The following AFF3 variants were observed in gnomAD, a reference collection of about 807,000 sequenced individuals.
The protein encoded by AFF3 is ALF transcription elongation factor 3, also known as AF4/FMR2 family member 3.
Under a neutral mutation model 129.7 loss-of-function variants are expected in AFF3, and 32 were observed. That is an observed-to-expected ratio of 0.25 (90% CI 0.19 to 0.33). The LOEUF (loss-of-function observed/expected upper bound fraction) is 0.33, where lower values mean the gene tolerates loss of function less well. Ranked by LOEUF, AFF3 falls within the 10% of genes least tolerant of loss-of-function variation. The probability of loss-of-function intolerance (pLI) is 1.00; values close to 1 mark genes in which losing one functional copy is unlikely to be tolerated. For synonymous variants in AFF3, 644 were observed against 635.4 expected (o/e 1.01, Z -0.20); for missense variants, 1,373 against 1,592.0 (o/e 0.86, Z 2.34).
chr2:100,048,616 A>G (rs1686031592), intron 4 of AFF3, among the ~76,000 whole-genome samples: 1 of 152,220 alleles, frequency 6.6e-6, no homozygotes, highest in Admixed American at 6.5e-5. Context: ...TCCTTGGGTG[A>G]TATTTCTACA....
intron 7 of AFF3, among the ~76,000 whole-genome samples, chr2:99,914,725 C>T (rs1290042867): frequency 7.9e-5 from 12 of 151,540 alleles, no homozygotes; most frequent in Admixed American, 7.9e-4. Flanking sequence ...ACCAGCCTGG[C>T]CAAAATGATG....
At chr2:100,002,930 C>A (rs1681564604) in intron 7 of AFF3, among the ~76,000 whole-genome samples, 1 of 152,190 alleles carries the variant, frequency 6.6e-6, no homozygotes, top group Non-Finnish European at 1.5e-5. Flanking sequence ...CCCCCATCAC[C>A]TAACATATAC....
chr2:100,058,395 T>A (rs1020429796), intron 4 of AFF3, among the ~76,000 whole-genome samples: 1 of 151,932 alleles, frequency 6.6e-6, no homozygotes, highest in South Asian at 2.1e-4. Context: ...TAAAAGGACA[T>A]CATGAAAAAA....
intron 20 of AFF3, among the ~76,000 whole-genome samples, chr2:99,560,752 C>T (rs1036600919): frequency 6.6e-6 from 1 of 152,210 alleles, no homozygotes; most frequent in Non-Finnish European, 1.5e-5. Flanking sequence ...CATTTTTCCA[C>T]ATTTTGATTT....
At chr2:100,025,448 C>T (rs562625977) in intron 4 of AFF3, among the ~76,000 whole-genome samples, 137 of 152,274 alleles carry the variant, frequency 9.0e-4, no homozygotes, top group Non-Finnish European at 1.6e-3. Context: ...TGGGTAGCAT[C>T]AATATTGTTA....
chr2:99,858,348 C>G (rs60349850), intron 7 of AFF3, among the ~76,000 whole-genome samples: 16,554 of 149,750 alleles, frequency 0.11, 1,102 homozygotes, highest in Admixed American at 0.21. Context: ...GAGTTGGAGA[C>G]CAGCCTGAGC....
At chr2:99,811,671 AATTC>A (rs1247753450) in intron 8 of AFF3, among the ~76,000 whole-genome samples, 3 of 152,324 alleles carry the variant, frequency 2.0e-5, no homozygotes, top group African/African-American at 7.2e-5. Flanking sequence ...TCCCTCCATT[AATTC>A]AGTCTTATCC....
chr2:99,998,357 T>C (rs1681048231), intron 7 of AFF3, among the ~76,000 whole-genome samples: 1 of 149,688 alleles, frequency 6.7e-6, no homozygotes, highest in Non-Finnish European at 1.5e-5. Context: ...TGCTGGGGGG[T>C]TTCAACATGA....
chr2:99,898,865 G>A (rs573521575), intron 7 of AFF3, among the ~76,000 whole-genome samples: 2 of 152,276 alleles, frequency 1.3e-5, no homozygotes, highest in African/African-American at 2.4e-5. Context: ...TTTGGCCAAC[G>A]CTGACTCCCA....
intron 4 of AFF3, among the ~76,000 whole-genome samples, chr2:100,057,320 CA>C (rs57672976): frequency 8.0e-3 from 439 of 55,068 alleles, no homozygotes; most frequent in African/African-American, 0.025. Flanking sequence ...GACTCTGTCT[CA>C]AAAAAAAAAA....
chr2:99,947,572 AG>A (rs1675712791), intron 7 of AFF3, among the ~76,000 whole-genome samples: 1 of 150,388 alleles, frequency 6.6e-6, no homozygotes, highest in African/African-American at 2.5e-5. Context: ...AGAGAAAGAA[AG>A]AAAAGAAAAG....
intron 4 of AFF3, among the ~76,000 whole-genome samples, chr2:100,018,797 C>T (rs1426510548): frequency 1.3e-5 from 2 of 152,068 alleles, no homozygotes; most frequent in Non-Finnish European, 2.9e-5. Flanking sequence ...TTTCAAAGAG[C>T]TCCCTTCCCG....
At chr2:99,699,200 G>A (rs762221337) in intron 11 of AFF3, among the ~76,000 whole-genome samples, 34 of 152,152 alleles carry the variant, frequency 2.2e-4, no homozygotes, top group Non-Finnish European at 3.1e-4. Context: ...TCCTATGAAT[G>A]CAAAGAAACC....
intron 7 of AFF3, among the ~76,000 whole-genome samples, chr2:99,932,780 A>C (rs1674149108): frequency 6.6e-6 from 1 of 152,226 alleles, no homozygotes; most frequent in South Asian, 2.1e-4. Flanking sequence ...ATTCATTTTC[A>C]AGAGTTTTAA....
intron 7 of AFF3, among the ~76,000 whole-genome samples, chr2:99,959,513 C>A (rs1310857321): frequency 2.0e-5 from 3 of 151,342 alleles, no homozygotes; most frequent in Non-Finnish European, 4.4e-5. Context: ...CATATTTATA[C>A]TTAAAAATTT....
intron 9 of AFF3, among the ~76,000 whole-genome samples, chr2:99,748,795 C>A (rs966347329): frequency 7.9e-5 from 12 of 152,158 alleles, no homozygotes; most frequent in African/African-American, 2.9e-4. Flanking sequence ...AATTTGATAA[C>A]AAGTCTCACA....
intron 4 of AFF3, among the ~76,000 whole-genome samples, chr2:100,023,960 C>T (rs552366459): frequency 1.4e-4 from 21 of 151,568 alleles, no homozygotes; most frequent in South Asian, 1.0e-3. Flanking sequence ...AGGCCGGGCA[C>T]GGTGGCTCAT....
chr2:100,030,427 G>A (rs1269326279), intron 4 of AFF3, among the ~76,000 whole-genome samples: 1 of 152,136 alleles, frequency 6.6e-6, no homozygotes, highest in Non-Finnish European at 1.5e-5. Context: ...ATAAGCAGCT[G>A]GATATGGCGG....
chr2:100,137,270 C>T (rs747470160), intron 1 of AFF3, among the ~76,000 whole-genome samples: 9 of 152,216 alleles, frequency 5.9e-5, no homozygotes, highest in Non-Finnish European at 8.8e-5. Context: ...TTTCCAGGTG[C>T]TCTGGGAATG....
Sources: gnomAD v4.1 joint callset for allele counts (sites outside exome capture counted in the v4.1 genomes callset) on GRCh38, gnomAD v4.1.1 for gene constraint, MANE v1.5 for transcripts, NCBI Gene and HGNC (gene_info 2026-07-23, HGNC 2026-07-21) for gene names.